The following AGAP1 variants were observed in gnomAD, a reference collection of about 807,000 sequenced individuals.
AGAP1 encodes the protein arf-GAP with GTPase, ANK repeat and PH domain-containing protein 1.
AGAP1 carries 29 observed loss-of-function variants against 105.3 expected under a neutral mutation model. The observed-to-expected ratio is 0.28, with a 90% CI of 0.21 to 0.38. The LOEUF is 0.38. Among genes scored for constraint, AGAP1 ranks in the 10% least tolerant of loss-of-function variants. AGAP1 has a pLI of 1.00. For missense variants in AGAP1, 998 were observed against 1,165.1 expected, an observed-to-expected ratio of 0.86 and a Z score of 2.09; for synonymous variants, 509 against 485.9, an observed-to-expected ratio of 1.05 and a Z score of -0.63.
intron 1 of AGAP1, among the ~76,000 whole-genome samples, chr2:235,677,885 C>T (rs1948831582): frequency 9.7e-6 from 1 of 102,930 alleles, no homozygotes; most frequent in Non-Finnish European, 1.8e-5. Flanking sequence ...TTCTGCCTTT[C>T]TGCCCCCATT....
At chr2:235,575,828 AACC>A (rs1944713738) in intron 1 of AGAP1, among the ~76,000 whole-genome samples, 1 of 152,202 alleles carries the variant, frequency 6.6e-6, no homozygotes, top group Admixed American at 6.5e-5. Context: ...TCCGTAAAAT[AACC>A]ACCTCTTTAC....
intron 1 of AGAP1, among the ~76,000 whole-genome samples, chr2:235,688,159 G>A (rs893403034): frequency 2.1e-4 from 32 of 152,214 alleles, no homozygotes; most frequent in African/African-American, 7.5e-4. Flanking sequence ...GCCCACCTCG[G>A]TCTCCCAAAG....
chr2:236,003,043 G>A lies in AGAP1; in HGVS notation c.1646-33518G>A, dbSNP rs1223558697. ...AGAAGTAAGTTAGAAAATTACTCAC[G>A]TATTCGCCCACTGTGTGCCAACAGA... On this transcript the variant is annotated intron_variant, in intron 13 of 17. Transcript: ENST00000304032. This position sits in a 1 kb window ranked among gnomAD's most constrained non-coding sequence, Gnocchi z 4.2. Among the ~76,000 whole-genome samples the A allele has an allele frequency of 1.3e-5, 2 of 151,906 alleles. No individual in the cohort carries two copies. The highest frequency in any genetic ancestry group is 2.1e-4 in the South Asian group (1 of 4,818).
rs1950915179 is a variant in AGAP1 at position 235,712,720 on chromosome 2, T to C, written c.222+3483T>C. Among the ~76,000 whole-genome samples the C allele has an allele frequency of 6.6e-6, 1 of 152,186 alleles. No homozygotes were observed. The highest frequency in any genetic ancestry group is 1.5e-5 in the Non-Finnish European group (1 of 68,026). Reference sequence around the variant, plus strand: ...CAGACGGTGACCCCTGCACAGAGGTTGACAGTGGCAACCTCTTCCTGCCTT... The same window carrying C: ...CAGACGGTGACCCCTGCACAGAGGTCGACAGTGGCAACCTCTTCCTGCCTT... On this transcript the variant is annotated intron_variant, in intron 2 of 17. Coordinates refer to ENST00000304032, the MANE Select transcript of AGAP1 (RefSeq NM_001037131.3). The surrounding 1 kb of genome is among the most constrained non-coding windows in gnomAD (Gnocchi z 6.0).
chr2:235,666,396 T>A (rs961730597), intron 1 of AGAP1, among the ~76,000 whole-genome samples: 8 of 151,942 alleles, frequency 5.3e-5, no homozygotes, highest in Non-Finnish European at 1.2e-4. Context: ...GATTTTGGAG[T>A]GACATGTCGG....
Position 235,736,773 on chromosome 2 carries a change from C to T in AGAP1, c.311-4190C>T, listed in dbSNP as rs375874065. Among the ~76,000 whole-genome samples the T allele has an allele frequency of 9.2e-5, 14 of 152,144 alleles. No homozygotes were observed. The highest frequency in any genetic ancestry group is 2.1e-4 in the South Asian group (1 of 4,822). ...GGAGGATCTTTTGAGCCTAGGCAGT[C>T]GAGGCTGCAGTGAGTCATGTCCGTG... is the stretch of plus-strand genomic sequence containing the variant. On this transcript the variant is annotated intron_variant, in intron 3 of 17. Coordinates refer to ENST00000304032, the MANE Select transcript of AGAP1 (RefSeq NM_001037131.3). This position sits in a 1 kb window ranked among gnomAD's most constrained non-coding sequence, Gnocchi z 5.5.
In AGAP1 at chr2:235,971,734, T is replaced by C. The variant is rs2054650921; in HGVS notation, c.1645+3111T>C. ...TCTTGAAACTAAAGCTAGTTATATA[T>C]GTTTTATTTTATTTATTTATTTATT... On this transcript the variant is annotated intron_variant, in intron 13 of 17. Coordinates refer to ENST00000304032, the MANE Select transcript of AGAP1 (RefSeq NM_001037131.3). The surrounding 1 kb of genome is among the most constrained non-coding windows in gnomAD (Gnocchi z 4.8). 7.3e-6 allele frequency among the ~76,000 whole-genome samples: 1 copy of C among 137,850 alleles called. No homozygotes were observed. The highest frequency in any genetic ancestry group is 6.9e-5 in the Admixed American group (1 of 14,576). 90.4% of individuals were successfully genotyped at this position (137,850 alleles called of 152,430 possible).
At chr2:235,899,073 T>G (rs188600612) in intron 10 of AGAP1, among the ~76,000 whole-genome samples, 1 of 152,264 alleles carries the variant, frequency 6.6e-6, no homozygotes, top group African/African-American at 2.4e-5. Flanking sequence ...GTGGAAAGTT[T>G]AAAAATTAGA....
At chr2:236,047,022 GAGA>G (rs1311270872) in intron 15 of AGAP1, among the ~76,000 whole-genome samples, 1 of 152,172 alleles carries the variant, frequency 6.6e-6, no homozygotes, top group Non-Finnish European at 1.5e-5. Context: ...CCAGCTACTC[GAGA>G]AGCTGAGGCA....
rs1946476962 is a variant in AGAP1, at chr2:235,621,472, G to A, written c.164-87707G>A. Reference sequence around the variant, plus strand: ...CAGAGCCTCTGCTGCTGCCATTGGCGTTGGCACCATTCTTACCTCCTATAC... The same window carrying A: ...CAGAGCCTCTGCTGCTGCCATTGGCATTGGCACCATTCTTACCTCCTATAC... On this transcript the variant is annotated intron_variant, in intron 1 of 17. Coordinates refer to ENST00000304032, the MANE Select transcript of AGAP1 (RefSeq NM_001037131.3). The surrounding 1 kb of genome is among the most constrained non-coding windows in gnomAD (Gnocchi z 4.1). Among the ~76,000 whole-genome samples the A allele has an allele frequency of 6.6e-6, 1 of 152,208 alleles. No individual in the cohort carries two copies. The highest frequency in any genetic ancestry group is 2.4e-5 in the African/African-American group (1 of 41,462).
Position 235,866,873 on chromosome 2 carries a change from C to T in AGAP1, c.1051-16472C>T, listed in dbSNP as rs1371591184. The stretch of plus-strand genomic sequence containing the variant: ...ACAACAGTCATATTGGATTAGGGCC[C>T]ATCCTAACAGCCTTATTTTAACATA... On this transcript the variant is annotated intron_variant, in intron 9 of 17. Transcript: ENST00000304032. This position sits in a 1 kb window ranked among gnomAD's most constrained non-coding sequence, Gnocchi z 6.1. 6.6e-6 allele frequency among the ~76,000 whole-genome samples: 1 copy of T among 152,160 alleles called. No homozygotes were observed. The highest frequency in any genetic ancestry group is 2.4e-5 in the African/African-American group (1 of 41,428).
chr2:235,740,097 G>C lies in AGAP1; in HGVS notation c.311-866G>C, dbSNP rs918214308. On this transcript the variant is annotated intron_variant, in intron 3 of 17. Coordinates refer to ENST00000304032, the MANE Select transcript of AGAP1 (RefSeq NM_001037131.3). This position sits in a 1 kb window ranked among gnomAD's most constrained non-coding sequence, Gnocchi z 5.7. The stretch of plus-strand genomic sequence containing the variant: ...GTGGTCTCAGAGCCCAGGATCTGGA[G>C]GGGGACGTCTGTCATTGGAGAAGGC... Among the ~76,000 whole-genome samples, 3 of 152,164 alleles carry C rather than the reference G, an allele frequency of 2.0e-5. No homozygotes were observed. Among genetic ancestry groups the C allele is most frequent in the Admixed American group, 1.3e-4 (2 of 15,286 alleles).
rs145145797 is a variant in AGAP1 at position 236,000,017 on chromosome 2, A to G, written c.1645+31394A>G. On this transcript the variant is annotated intron_variant, in intron 13 of 17. Transcript: ENST00000304032. The surrounding 1 kb of genome is among the most constrained non-coding windows in gnomAD (Gnocchi z 4.3). ...GCTTCTAATGACTGTCAGAAAGAAT[A>G]CGTGAAGGCCAGCTTCTAGACCAGT... 6.6e-6 allele frequency among the ~76,000 whole-genome samples: 1 copy of G among 152,250 alleles called. No individual in the cohort carries two copies. The highest frequency in any genetic ancestry group is 2.4e-5 in the African/African-American group (1 of 41,526).
chr2:235,540,916 T>A (rs531190452), intron 1 of AGAP1, among the ~76,000 whole-genome samples: 5 of 152,334 alleles, frequency 3.3e-5, no homozygotes, highest in Admixed American at 1.3e-4. Flanking sequence ...TGCAGCCACT[T>A]TTTACCCAAC....
In AGAP1 at chr2:236,130,374, G is replaced by C. The variant is rs2060066887; in HGVS notation, c.*6252G>C. The C allele has an allele frequency of 6.6e-6, 1 of 152,060 alleles. No individual in the cohort carries two copies. The highest frequency in any genetic ancestry group is 1.5e-5 in the Non-Finnish European group (1 of 68,036). The allele number at this position is 152,060 out of a possible 1,614,324, so 9.4% of individuals were successfully genotyped here. A position where few individuals can be genotyped will look rare whatever the true frequency, so the allele number is the denominator to read the frequency against. On this transcript the variant is annotated 3_prime_UTR_variant, in exon 18 of 18. Transcript: ENST00000304032. The surrounding 1 kb of genome is among the most constrained non-coding windows in gnomAD (Gnocchi z 5.8). ...AGAATGCCCCGTGGGGGGATTGCATGGCCTTTGCCTTGAGATGCAGGTGAA... is the reference window on the plus strand; with the variant it reads ...AGAATGCCCCGTGGGGGGATTGCATCGCCTTTGCCTTGAGATGCAGGTGAA...
rs1043460154 is a variant in AGAP1 at position 235,620,632 on chromosome 2, C to G, written c.164-88547C>G. On this transcript the variant is annotated intron_variant, in intron 1 of 17. Transcript: ENST00000304032. This position sits in a 1 kb window ranked among gnomAD's most constrained non-coding sequence, Gnocchi z 4.5. The stretch of plus-strand genomic sequence containing the variant: ...AGCCACAGCCCCTCCTCCTCACCTC[C>G]TCACCTGCTTCCTATTTCCCCATAA... Among the ~76,000 whole-genome samples the G allele has an allele frequency of 6.6e-6, 1 of 152,192 alleles. No homozygotes were observed. The highest frequency in any genetic ancestry group is 1.5e-5 in the Non-Finnish European group (1 of 68,030).
In AGAP1 at chr2:236,009,570, A is replaced by G. The variant is rs1211511087; in HGVS notation, c.1646-26991A>G. ...ACAAGGTGATCATTTGACTTTTCTT[A>G]GAGGTACAAATTTACGCTCCCTTCT... On this transcript the variant is annotated intron_variant, in intron 13 of 17. Transcript: ENST00000304032. The surrounding 1 kb of genome is among the most constrained non-coding windows in gnomAD (Gnocchi z 4.2). 6.6e-6 allele frequency among the ~76,000 whole-genome samples: 1 copy of G among 152,246 alleles called. No homozygotes were observed. Among genetic ancestry groups the G allele is most frequent in the East Asian group, 1.9e-4 (1 of 5,208 alleles).
chr2:235,937,436 G>C (rs1488862878), intron 12 of AGAP1, among the ~76,000 whole-genome samples: 1 of 152,158 alleles, frequency 6.6e-6, no homozygotes, highest in Non-Finnish European at 1.5e-5. Context: ...CTTCCTATCA[G>C]CTATTTTCAG....
rs1035717044 is a variant in AGAP1, at chr2:235,631,394, G to A, written c.164-77785G>A. On this transcript the variant is annotated intron_variant, in intron 1 of 17. Transcript: ENST00000304032. The surrounding 1 kb of genome is among the most constrained non-coding windows in gnomAD (Gnocchi z 5.4). ...GGCTGTGCGAGCTAGCCAAGGAGAGGCCACGAGGCGGGAGAGCCAAGGAGG... is the reference window on the plus strand; with the variant it reads ...GGCTGTGCGAGCTAGCCAAGGAGAGACCACGAGGCGGGAGAGCCAAGGAGG... Among the ~76,000 whole-genome samples the A allele has an allele frequency of 7.9e-5, 12 of 152,302 alleles. No individual in the cohort carries two copies. The East Asian group carries it at 2.3e-3, about 30-fold the overall frequency.
Sources: allele counts gnomAD v4.1 joint callset (sites outside exome capture counted in the v4.1 genomes callset), GRCh38; gene constraint gnomAD v4.1.1; non-coding constraint Gnocchi (gnomAD v3.1); transcripts MANE v1.5; gene names NCBI Gene and HGNC (gene_info 2026-07-23, HGNC 2026-07-21).